Variants in LY6H observed in about 807,000 individuals in gnomAD.
The protein encoded by LY6H is lymphocyte antigen 6 family member H, also known as lymphocyte antigen 6H.
A neutral mutation model predicts 14.6 loss-of-function variants in LY6H; 8 were observed. The observed-to-expected ratio is 0.55, with a 90% CI of 0.32 to 0.99. The LOEUF is 0.99. Among genes scored for constraint, LY6H ranks in the 50% least tolerant of loss-of-function variants. The pLI is 0.04. For synonymous variants in LY6H, 115 were observed against 97.2 expected (o/e 1.18, Z -1.08); for missense variants, 196 against 219.6 (o/e 0.89, Z 0.68).
At position 143,158,883 on chromosome 8, in the gene LY6H, TTGG is replaced by T; in HGVS notation, c.167_169del (p.Thr56del). Reference sequence around the variant, plus strand: ...CTGCTTTGGGGTGCAATGGCTGGAGTTGGTGGTCAGGGTGCAGTCCTGGCACCA... The same window carrying T: ...CTGCTTTGGGGTGCAATGGCTGGAGTTGGTCAGGGTGCAGTCCTGGCACCA... On this transcript the variant is annotated inframe_deletion, in exon 3 of 4. Coordinates refer to ENST00000342752, the MANE Select transcript of LY6H (RefSeq NM_001135655.2). 6.2e-7 allele frequency: 1 copy of T among 1,612,908 alleles called. No homozygotes were observed. Among genetic ancestry groups the T allele is most frequent in the Non-Finnish European group, 8.5e-7 (1 of 1,179,344 alleles).
At position 143,158,124 on chromosome 8, in the gene LY6H, G is replaced by A; in HGVS notation, c.*126C>T. On this transcript the variant is annotated 3_prime_UTR_variant, in exon 4 of 4. Coordinates refer to ENST00000342752, the MANE Select transcript of LY6H (RefSeq NM_001135655.2). ...AGGCTTCACGTCGGGGGAGGAGTGA[G>A]AGCCACAGGCCACAGCCACGGAGCT... is the stretch of plus-strand genomic sequence containing the variant. 1 of 638,600 alleles carries A rather than the reference G, an allele frequency of 1.6e-6. No homozygotes were observed. 39.6% of individuals were successfully genotyped at this position (638,600 alleles called of 1,614,324 possible). A position where few individuals can be genotyped will look rare whatever the true frequency, so the allele number is the denominator to read the frequency against.
In LY6H at chr8:143,158,183, G is replaced by A; in HGVS notation, c.*67C>T. On this transcript the variant is annotated 3_prime_UTR_variant, in exon 4 of 4. Coordinates refer to ENST00000342752, the MANE Select transcript of LY6H (RefSeq NM_001135655.2). ...GCTGCCCCCAGCCCCAGCCACGCCA[G>A]GCTGGGGAGAGGGCAGCCACAGGCT... 1 of 1,222,178 alleles carries A rather than the reference G, an allele frequency of 8.2e-7. No individual in the cohort carries two copies. The highest frequency in any genetic ancestry group is 1.1e-6 in the Non-Finnish European group (1 of 873,340). The allele number at this position is 1,222,178 out of a possible 1,614,324, so 75.7% of individuals were successfully genotyped here. A position where few individuals can be genotyped will look rare whatever the true frequency, so the allele number is the denominator to read the frequency against.
chr8:143,159,874 G>A (rs1280016475), intron 1 of LY6H, 165 bp from the exon 2 acceptor site: 11 of 1,143,858 alleles, frequency 9.6e-6, no homozygotes, highest in Non-Finnish European at 1.0e-5. Flanking sequence ...CATCCCCGCC[G>A]GGAGACGTCT....
At chr8:143,158,739 C>A in intron 3 of LY6H, 64 bp downstream of exon 3, 1 of 1,545,706 alleles carries the variant, frequency 6.5e-7, no homozygotes, top group Non-Finnish European at 8.8e-7. Context: ...TCCGAGGACA[C>A]CTCTGACCTC....
intron 2 of LY6H, chr8:143,159,171 CACAA>C (rs1815530214): frequency 4.8e-5 from 29 of 604,576 alleles, no homozygotes; most frequent in South Asian, 1.7e-4. Context: ...CACACACACA[CACAA>C]ACACACACAC....
chr8:143,159,464 T>G, intron 2 of LY6H, 118 bp downstream of exon 2: 2 of 1,226,364 alleles, frequency 1.6e-6, no homozygotes, highest in Non-Finnish European at 2.1e-6. Context: ...GGAGGGGGCG[T>G]GGGCTCTATG....
chr8:143,160,320 A>C lies in LY6H; in HGVS notation c.-121T>G. 6.5e-6 allele frequency: 5 copies of C among 767,894 alleles called. No individual in the cohort carries two copies. Among genetic ancestry groups the C allele is most frequent in the Non-Finnish European group, 8.6e-6 (5 of 578,884 alleles). The allele number at this position is 767,894 out of a possible 1,614,324, so 47.6% of individuals were successfully genotyped here. On this transcript the variant is annotated 5_prime_UTR_variant, in exon 1 of 4. Coordinates refer to ENST00000342752, the MANE Select transcript of LY6H (RefSeq NM_001135655.2). ...CGTCTTTCGGGGAACGCAGCCGCAG[A>C]CGCGGACCCCGCGCGAGGGGCGGGG... is the stretch of plus-strand genomic sequence containing the variant.
At chr8:143,159,539 GCT>G in intron 2 of LY6H, 41 bp downstream of exon 2, 1 of 1,459,578 alleles carries the variant, frequency 6.9e-7, no homozygotes, top group South Asian at 1.3e-5. Flanking sequence ...GGCGCCTCGG[GCT>G]CTCCCAGGCA....
chr8:143,159,116 AG>A lies in LY6H; in HGVS notation c.131-195del, dbSNP rs772141919. On this transcript the variant is annotated intron_variant, in intron 2 of 3. Coordinates refer to ENST00000342752, the MANE Select transcript of LY6H (RefSeq NM_001135655.2). ...AACTGTGCCCCATCCTGGCAGTTTG[AG>A]GGGAGCCCCTATGGCCCCTCCCTGG... 1.1e-4 allele frequency: 78 copies of A among 733,374 alleles called. No homozygotes were observed. The African/African-American group carries it at 1.2e-3, about 11-fold the overall frequency. The allele number at this position is 733,374 out of a possible 1,614,324, so 45.4% of individuals were successfully genotyped here.
In LY6H at chr8:143,158,891, C is replaced by T; in HGVS notation, c.162G>A (p.Leu54=). Residue 54 remains leucine, a synonymous_variant, in exon 3 of 4, where the codon CTG becomes CTA. Coordinates refer to ENST00000342752, the MANE Select transcript of LY6H (RefSeq NM_001135655.2). ...AHGLWCQDCT[L]TTNSSHCTPK... is the part of the protein sequence containing the mutation. ...GGGTGCAATGGCTGGAGTTGGTGGT[C>T]AGGGTGCAGTCCTGGCACCACAGGC... 6.2e-7 allele frequency: 1 copy of T among 1,613,502 alleles called. No homozygotes were observed. Among genetic ancestry groups the T allele is most frequent in the Non-Finnish European group, 8.5e-7 (1 of 1,179,678 alleles).
At chr8:143,160,029 G>T in intron 1 of LY6H, 169 bp downstream of exon 1, 1 of 1,171,942 alleles carries the variant, frequency 8.5e-7, no homozygotes, top group Non-Finnish European at 1.1e-6. Context: ...GGAGCGGGTG[G>T]GACCTGCCAC....
intron 1 of LY6H, chr8:143,159,954 G>A: frequency 8.1e-7 from 1 of 1,238,776 alleles, no homozygotes; most frequent in Non-Finnish European, 1.0e-6. Flanking sequence ...GGGAGCGGAT[G>A]GGGGGCGTCC....
chr8:143,159,544 C>G, intron 2 of LY6H, 38 bp downstream of exon 2: 1 of 1,478,046 alleles, frequency 6.8e-7, no homozygotes, highest in Non-Finnish European at 8.9e-7. Context: ...CTCGGGCTCT[C>G]CCAGGCACCT....
intron 2 of LY6H, chr8:143,159,125 C>G (rs1815528779): frequency 1.5e-6 from 1 of 671,816 alleles, no homozygotes; most frequent in Non-Finnish European, 2.6e-6. Flanking sequence ...GAGGGGAGCC[C>G]CTATGGCCCC....
chr8:143,159,530 G>A, intron 2 of LY6H, 52 bp downstream of exon 2: 1 of 1,445,316 alleles, frequency 6.9e-7, no homozygotes, highest in Non-Finnish European at 9.0e-7. Flanking sequence ...CTCTCCCGCG[G>A]CGCCTCGGGC....
Position 143,159,273 on chromosome 8 carries a change from C to T in LY6H, c.130+309G>A, listed in dbSNP as rs185454124. The T allele has an allele frequency of 1.1e-4, 58 of 547,844 alleles. 3 individuals are homozygous for T. Among genetic ancestry groups the T allele is most frequent in the African/African-American group, 9.7e-4 (51 of 52,452 alleles). The allele number at this position is 547,844 out of a possible 1,614,324, so 33.9% of individuals were successfully genotyped here. On this transcript the variant is annotated intron_variant, in intron 2 of 3. Coordinates refer to ENST00000342752, the MANE Select transcript of LY6H (RefSeq NM_001135655.2). The stretch of plus-strand genomic sequence containing the variant: ...CCCCCAGAGGTCCGTGGGTTCCAAG[C>T]TGTGAAGGACCAAACTGGATTTGAA...
chr8:143,159,718 G>C lies in LY6H; in HGVS notation c.3-9C>G. ...TCCTCTGGGGCGCAAGCCTGGAGGG[G>C]AGAAGCATCGGTCAGGAGACCCCAA... On this transcript the variant is annotated splice_polypyrimidine_tract_variant and intron_variant, in intron 1 of 3. Coordinates refer to ENST00000342752, the MANE Select transcript of LY6H (RefSeq NM_001135655.2). The C allele has an allele frequency of 1.5e-6, 2 of 1,365,058 alleles. No homozygotes were observed. Among genetic ancestry groups the C allele is most frequent in the South Asian group, 3.4e-5 (2 of 58,030 alleles). 84.6% of individuals were successfully genotyped at this position (1,365,058 alleles called of 1,614,324 possible). A position where few individuals can be genotyped will look rare whatever the true frequency, so the allele number is the denominator to read the frequency against.
chr8:143,158,579 C>G lies in LY6H; in HGVS notation c.251-94G>C, dbSNP rs541653022. ...CAGCCCAGGCCCCTCCGGGTCAGCT[C>G]GGGGCCCCAGTAGGCAGGGCCGAGT... On this transcript the variant is annotated intron_variant, in intron 3 of 3. Transcript: ENST00000342752. The G allele has an allele frequency of 1.8e-4, 227 of 1,285,054 alleles. No individual in the cohort carries two copies. The East Asian group carries it at 4.8e-3, about 27-fold the overall frequency. 79.6% of individuals were successfully genotyped at this position (1,285,054 alleles called of 1,614,324 possible).
chr8:143,158,538 C>A, intron 3 of LY6H, 53 bp from the exon 4 acceptor site: 1 of 1,499,610 alleles, frequency 6.7e-7, no homozygotes. Flanking sequence ...GCCCTCTCTG[C>A]CTCATCCCGA....
Sources: gnomAD v4.1 joint callset for allele counts on GRCh38, gnomAD v4.1.1 for gene constraint, MANE v1.5 for transcripts, NCBI Gene and HGNC (gene_info 2026-07-23, HGNC 2026-07-21) for gene names.